CMSS1: variants seen among roughly 807,000 people sequenced by gnomAD.
The protein encoded by CMSS1 is protein CMSS1.
Under a neutral mutation model 43.5 loss-of-function variants are expected in CMSS1, and 33 were observed. That is an observed-to-expected ratio of 0.76 (90% CI 0.57 to 1.01). The LOEUF is 1.01. Among genes scored for constraint, CMSS1 ranks in the 50% least tolerant of loss-of-function variants. The pLI is 0.00. For missense variants in CMSS1, 313 were observed against 326.4 expected, an observed-to-expected ratio of 0.96 and a Z score of 0.32; for synonymous variants, 115 against 117.2, an observed-to-expected ratio of 0.98 and a Z score of 0.12.
intron 1 of CMSS1, among the ~76,000 whole-genome samples, chr3:99,949,080 TA>T (rs1394563367): frequency 3.3e-5 from 5 of 152,144 alleles, no homozygotes; most frequent in Non-Finnish European, 7.4e-5. Context: ...TTTTGGTGAG[TA>T]AATTCCAAAA....
chr3:100,019,416 G>C (rs2064764143), intron 1 of CMSS1, among the ~76,000 whole-genome samples: 1 of 151,920 alleles, frequency 6.6e-6, no homozygotes, highest in Non-Finnish European at 1.5e-5. Context: ...CTTACCGAAA[G>C]GAATAGCAGG....
chr3:100,145,771 G>A (rs1041760579), intron 1 of CMSS1, among the ~76,000 whole-genome samples: 17 of 152,328 alleles, frequency 1.1e-4, no homozygotes, highest in Admixed American at 1.1e-3. Flanking sequence ...TCAAGGATAG[G>A]TCAGTGCTTT....
chr3:100,165,373 C>T (rs2067057714), intron 4 of CMSS1, among the ~76,000 whole-genome samples: 1 of 151,996 alleles, frequency 6.6e-6, no homozygotes, highest in African/African-American at 2.4e-5. Context: ...TATTTTGAGA[C>T]ATTATTCTCA....
At position 99,833,030 on chromosome 3, in the gene CMSS1, AT is replaced by A. The variant is rs1942748680; in HGVS notation, c.64+14988del. 4 of 572,736 alleles carry A rather than the reference AT, an allele frequency of 7.0e-6. No homozygotes were observed. In the Admixed American group the frequency reaches 1.4e-4, roughly 20 times the overall value. 35.5% of individuals were successfully genotyped at this position (572,736 alleles called of 1,614,324 possible). A position where few individuals can be genotyped will look rare whatever the true frequency, so the allele number is the denominator to read the frequency against. Reference sequence around the variant, plus strand: ...TGCATATTGCAAGAGAAATACATGCATATGGCTCTTTTAAGACCACACAGTG... The same window carrying A: ...TGCATATTGCAAGAGAAATACATGCAATGGCTCTTTTAAGACCACACAGTG... On this transcript the variant is annotated intron_variant, in intron 1 of 9. Transcript: ENST00000421999.
In CMSS1 at chr3:100,025,077, A is replaced by G. The variant is rs367555577; in HGVS notation, c.65-121896A>G. ...CATTTTTCTTTGAATTCTTCCTGATAATAAAACAGACTCTTTGTTATTGTA... is the reference window on the plus strand; with the variant it reads ...CATTTTTCTTTGAATTCTTCCTGATGATAAAACAGACTCTTTGTTATTGTA... On this transcript the variant is annotated intron_variant, in intron 1 of 9. Transcript: ENST00000421999. 1.7e-4 allele frequency among the ~76,000 whole-genome samples: 26 copies of G among 152,334 alleles called. No homozygotes were observed. The East Asian group carries it at 3.7e-3, about 21-fold the overall frequency.
chr3:100,145,610 C>G (rs542747972), intron 1 of CMSS1, among the ~76,000 whole-genome samples: 1 of 152,270 alleles, frequency 6.6e-6, no homozygotes, highest in East Asian at 1.9e-4. Context: ...ACTGGAGATC[C>G]AGGAGAGCTG....
chr3:100,161,454 A>G (rs1213900137), intron 3 of CMSS1, among the ~76,000 whole-genome samples: 1 of 152,202 alleles, frequency 6.6e-6, no homozygotes, highest in Non-Finnish European at 1.5e-5. Flanking sequence ...CTGAGGTCAC[A>G]CTAAAATGTG....
chr3:99,931,103 A>G, intron 1 of CMSS1: 1 of 1,252,990 alleles, frequency 8.0e-7, no homozygotes, highest in South Asian at 1.4e-5. Context: ...TTACTGCTTT[A>G]ACAAGTCTAC....
At chr3:99,964,400 G>T (rs1298865219) in intron 1 of CMSS1, 3 of 150,670 alleles carry the variant, frequency 2.0e-5, no homozygotes, top group East Asian at 4.1e-4. Flanking sequence ...TGGGCTAGGT[G>T]ATGTTTAGGA....
At chr3:99,848,680 A>C in intron 1 of CMSS1, 1 of 1,614,148 alleles carries the variant, frequency 6.2e-7, no homozygotes, top group Non-Finnish European at 8.5e-7. Context: ...AATAGGGGAC[A>C]TTGTCCTTTC....
chr3:99,831,463 A>G (rs1473223855), intron 1 of CMSS1, among the ~76,000 whole-genome samples: 1 of 152,204 alleles, frequency 6.6e-6, no homozygotes, highest in Non-Finnish European at 1.5e-5. Context: ...GGAACACTAA[A>G]TTGTTTTAAA....
At chr3:100,165,178 C>G (rs1226518348) in intron 4 of CMSS1, among the ~76,000 whole-genome samples, 1 of 152,118 alleles carries the variant, frequency 6.6e-6, no homozygotes, top group Non-Finnish European at 1.5e-5. Flanking sequence ...CTGATCATAT[C>G]CAGGCTTGGG....
At chr3:100,083,766 G>T (rs1290018315) in intron 1 of CMSS1, among the ~76,000 whole-genome samples, 3 of 152,084 alleles carry the variant, frequency 2.0e-5, no homozygotes, top group East Asian at 1.9e-4. Context: ...TAGAGAAGGG[G>T]GTCTCCCTAT....
chr3:100,083,498 T>G (rs1341036675), intron 1 of CMSS1, among the ~76,000 whole-genome samples: 1 of 152,206 alleles, frequency 6.6e-6, no homozygotes, highest in Non-Finnish European at 1.5e-5. Flanking sequence ...ACAGCGAGAT[T>G]TCAGAACCAT....
intron 1 of CMSS1, among the ~76,000 whole-genome samples, chr3:99,927,135 G>C (rs1419545355): frequency 6.6e-6 from 1 of 152,150 alleles, no homozygotes. Flanking sequence ...CTTCAAGACT[G>C]CTTTTTTCAA....
chr3:100,162,242 A>G, intron 3 of CMSS1, 61 bp from the exon 4 acceptor site: 1 of 1,513,014 alleles, frequency 6.6e-7, no homozygotes, highest in Admixed American at 1.8e-5. Context: ...GAACTAACCT[A>G]TTCCAACCAA....
At chr3:100,176,591 A>C (rs1559780468) in intron 9 of CMSS1, among the ~76,000 whole-genome samples, 176 bp downstream of exon 9, 1 of 152,176 alleles carries the variant, frequency 6.6e-6, no homozygotes, top group African/African-American at 2.4e-5. Flanking sequence ...CCCCTTACAC[A>C]TAATTGTATC....
chr3:99,889,494 G>A (rs983548056), intron 1 of CMSS1, among the ~76,000 whole-genome samples: 2 of 151,866 alleles, frequency 1.3e-5, no homozygotes, highest in African/African-American at 2.4e-5. Context: ...ATAACGTATA[G>A]CTAGGAATTA....
At chr3:99,818,086 G>A (rs764011424) in intron 1 of CMSS1, 43 bp downstream of exon 1, 1 of 1,582,974 alleles carries the variant, frequency 6.3e-7, no homozygotes, top group African/African-American at 1.3e-5. Context: ...CTCTCCCGGA[G>A]CCCTTCCGTG....
Sources: gnomAD v4.1 joint callset for allele counts (sites outside exome capture counted in the v4.1 genomes callset) on GRCh38, gnomAD v4.1.1 for gene constraint, MANE v1.5 for transcripts, NCBI Gene and HGNC (gene_info 2026-07-23, HGNC 2026-07-21) for gene names.